Variants in TICRR observed in about 807,000 individuals in gnomAD.
The protein encoded by TICRR is TOPBP1 interacting checkpoint and replication regulator.
Under a neutral mutation model 178.1 loss-of-function variants are expected in TICRR, and 132 were observed. That is an observed-to-expected ratio of 0.74 (90% CI 0.64 to 0.86). The LOEUF is 0.86. TICRR is among the 40% of genes least tolerant of loss of function. The pLI, the probability that TICRR is intolerant of heterozygous loss-of-function variation, is 0.00. For synonymous variants in TICRR, 991 were observed against 900.7 expected (o/e 1.10, Z -1.79); for missense variants, 2,587 against 2,334.3 (o/e 1.11, Z -2.23).
rs535345388 is a variant in TICRR at position 89,626,386 on chromosome 15, G to A, written c.5602+325G>A. 3.3e-5 allele frequency among the ~76,000 whole-genome samples: 5 copies of A among 152,336 alleles called. No homozygotes were observed. The East Asian group carries it at 7.7e-4, about 24-fold the overall frequency. On this transcript the variant is annotated intron_variant, in intron 21 of 21. Coordinates refer to ENST00000268138, the MANE Select transcript of TICRR (RefSeq NM_152259.4). ...GCGTTCTGAGCAGCACGAGTGATAG[G>A]CCTGTTTAGAGCTAGTTCCCCACAG...
At chr15:89,618,894 G>T (rs1249138929) in intron 17 of TICRR, among the ~76,000 whole-genome samples, 1 of 152,246 alleles carries the variant, frequency 6.6e-6, no homozygotes, top group African/African-American at 2.4e-5. Context: ...TGGAGTTCAA[G>T]GCTGCAGTGA....
chr15:89,610,980 T>C (rs567520983), intron 15 of TICRR, among the ~76,000 whole-genome samples: 1 of 152,160 alleles, frequency 6.6e-6, no homozygotes, highest in South Asian at 2.1e-4. Flanking sequence ...TGTCTCTTCT[T>C]CTTTATATTG....
At chr15:89,598,194 C>T (rs924023489) in intron 7 of TICRR, among the ~76,000 whole-genome samples, 1 of 151,990 alleles carries the variant, frequency 6.6e-6, no homozygotes, top group Non-Finnish European at 1.5e-5. Flanking sequence ...AGGATGGTCT[C>T]GATCTCCTGA....
intron 1 of TICRR, among the ~76,000 whole-genome samples, chr15:89,576,821 G>GTATATATATATATA (rs369518649): frequency 1.1e-5 from 1 of 92,438 alleles, no homozygotes; most frequent in East Asian, 2.5e-4. Context: ...ATGTGTGTGT[G>GTATATATATATATA]TATATATATA....
chr15:89,596,582 G>A (rs928977330), intron 7 of TICRR, among the ~76,000 whole-genome samples: 1 of 152,140 alleles, frequency 6.6e-6, no homozygotes, highest in Non-Finnish European at 1.5e-5. Context: ...CCTAACCTCA[G>A]GTGATCAGCC....
chr15:89,583,307 A>G (rs934252396), intron 2 of TICRR, among the ~76,000 whole-genome samples: 1 of 152,260 alleles, frequency 6.6e-6, no homozygotes, highest in Non-Finnish European at 1.5e-5. Flanking sequence ...ATTGAAGACC[A>G]TAGAGAAACA....
chr15:89,605,494 G>A (rs184889237), intron 13 of TICRR, among the ~76,000 whole-genome samples: 84 of 152,164 alleles, frequency 5.5e-4, no homozygotes, highest in Admixed American at 2.9e-3. Flanking sequence ...TCAGCCTCCC[G>A]AGTAGCTGGC....
intron 14 of TICRR, among the ~76,000 whole-genome samples, chr15:89,607,635 T>A (rs1052108155): frequency 2.6e-5 from 4 of 152,088 alleles, no homozygotes; most frequent in African/African-American, 4.8e-5. Context: ...TTTTAAAACT[T>A]TGGTGTGTGT....
At position 89,625,138 on chromosome 15, in the gene TICRR, G is replaced by C; in HGVS notation, c.4828G>C (p.Ala1610Pro). Residue 1610 changes from alanine (A) to proline (P), a missense_variant, in exon 20 of 22, where the codon GCC (alanine) becomes CCC (proline). By Grantham distance (27) the Ala-to-Pro change is conservative. Transcript: ENST00000268138. ...CCTCCCTGCTCTCAGCATGCCCAGG[G>C]CCAGCAGGTCCTTAAGCAAACCTGA... ...SFLPALSMPR[A>P]SRSLSKPEPT... 1 of 1,613,876 alleles carries C rather than the reference G, an allele frequency of 6.2e-7. No individual in the cohort carries two copies. The highest frequency in any genetic ancestry group is 8.5e-7 in the Non-Finnish European group (1 of 1,179,998).
rs141435604 is a variant in TICRR at position 89,594,440 on chromosome 15, A to G, written c.1567A>G (p.Lys523Glu). The change falls in exon 6 of 22, where the codon AAG becomes GAG. Residue 523 changes from lysine to glutamate, a missense_variant. Transcript: ENST00000268138. Reference sequence around the variant, plus strand: ...GTTACTACAGGCTGCCTCAGCTAATAAGGAAGAGTCTTCCAAAACTGAAGG... The same window carrying G: ...GTTACTACAGGCTGCCTCAGCTAATGAGGAAGAGTCTTCCAAAACTGAAGG... ...FGLLQAASAN[K>E]EESSKTEGEL... 880 of 1,612,842 alleles carry G rather than the reference A, an allele frequency of 5.5e-4. 21 individuals are homozygous for G. In the East Asian group the frequency reaches 0.019, roughly 36 times the overall value.
At chr15:89,583,068 A>G (rs1962758835) in intron 2 of TICRR, 103 bp downstream of exon 2, 2 of 1,235,340 alleles carry the variant, frequency 1.6e-6, no homozygotes, top group East Asian at 5.0e-5. Flanking sequence ...CAGCCCAGGC[A>G]CTCAACGAAT....
Position 89,625,310 on chromosome 15 carries a change from G to A in TICRR, c.5000G>A (p.Trp1667Ter), listed in dbSNP as rs764932324. Residue 1667 changes from tryptophan to a stop codon, truncating the protein, a stop_gained, in exon 20 of 22, where the codon TGG (tryptophan) becomes TAG (stop). Transcript: ENST00000268138. LOFTEE classifies it high-confidence loss of function. ...PSPFQTDGVP[W>*]TPSPKHSGKT... ...CCATTTCAAACAGATGGGGTTCCTT[G>A]GACACCATCCCCCAAGCACAGTGGG... The A allele has an allele frequency of 2.5e-6, 4 of 1,614,008 alleles. No individual in the cohort carries two copies. In the Admixed American group the frequency reaches 6.7e-5, roughly 27 times the overall value.
In TICRR at chr15:89,624,212, C is replaced by T; in HGVS notation, c.3902C>T (p.Thr1301Ile). ...AAAAGACCAGGGAATTCAACTGTGA[C>T]TTCTTCCCCACCTGTTACGCCAAAG... Reference protein sequence around the residue: ...TPKRPGNSTVTSSPPVTPKKL... With the variant: ...TPKRPGNSTVISSPPVTPKKL... Residue 1301 changes from threonine (T) to isoleucine (I), a missense_variant, in exon 20 of 22, where the codon ACT (threonine) becomes ATT (isoleucine). Coordinates refer to ENST00000268138, the MANE Select transcript of TICRR (RefSeq NM_152259.4). The T allele has an allele frequency of 6.2e-7, 1 of 1,614,224 alleles. No individual in the cohort carries two copies. Among genetic ancestry groups the T allele is most frequent in the Non-Finnish European group, 8.5e-7 (1 of 1,180,054 alleles).
chr15:89,590,305 A>C (rs1962889057), intron 4 of TICRR, among the ~76,000 whole-genome samples: 2 of 152,238 alleles, frequency 1.3e-5, no homozygotes, highest in Non-Finnish European at 2.9e-5. Flanking sequence ...ATAAAATATT[A>C]GCACATTAGG....
At position 89,625,087 on chromosome 15, in the gene TICRR, G is replaced by A; in HGVS notation, c.4777G>A (p.Glu1593Lys). The A allele has an allele frequency of 6.2e-7, 1 of 1,613,916 alleles. No individual in the cohort carries two copies. Among genetic ancestry groups the A allele is most frequent in the East Asian group, 2.2e-5 (1 of 44,852 alleles). ...SLEAEPLSKE[E>K]SSLGEESFLP... The stretch of plus-strand genomic sequence containing the variant: ...AGAGGCTGAGCCCCTCAGCAAGGAG[G>A]AGAGCTCTCTGGGAGAAGAGAGCTT... Residue 1593 changes from glutamate (E) to lysine (K), a missense_variant, in exon 20 of 22, where the codon GAG becomes AAG. Coordinates refer to ENST00000268138, the MANE Select transcript of TICRR (RefSeq NM_152259.4).
intron 4 of TICRR, among the ~76,000 whole-genome samples, chr15:89,589,699 C>G (rs1410246840): frequency 1.3e-5 from 2 of 152,172 alleles, no homozygotes; most frequent in Non-Finnish European, 2.9e-5. Context: ...GGCATTTATG[C>G]TGTCCTGTGA....
rs1166499193 is a variant in TICRR, at chr15:89,625,756, TCCA to T, written c.5448_5450del (p.Thr1817del). 1.9e-6 allele frequency: 3 copies of T among 1,607,830 alleles called. No individual in the cohort carries two copies. In the Admixed American group the frequency reaches 5.0e-5, roughly 27 times the overall value. On this transcript the variant is annotated inframe_deletion, in exon 20 of 22. Transcript: ENST00000268138. ...AAGTTGGAGTGCATGGCAGCTACCC[TCCA>T]CGGGAGACGAAGAGGTGTTTGTTTC...
Position 89,599,429 on chromosome 15 carries a change from C to T in TICRR, c.2006C>T (p.Ser669Leu). 1.2e-6 allele frequency: 2 copies of T among 1,613,568 alleles called. No individual in the cohort carries two copies. Among genetic ancestry groups the T allele is most frequent in the Non-Finnish European group, 1.7e-6 (2 of 1,179,842 alleles). Residue 669 changes from serine (S) to leucine (L), a missense_variant, in exon 8 of 22, where the codon TCA becomes TTA. By Grantham distance (145) the Ser-to-Leu change is moderately radical. Coordinates refer to ENST00000268138, the MANE Select transcript of TICRR (RefSeq NM_152259.4). ...MLYACARNMI[S>L]TVKMFLKSKG... ...TATGCATGTGCTCGAAACATGATCT[C>T]AACCGTTAAAATGTTCCTAAAATCA...
intron 18 of TICRR, among the ~76,000 whole-genome samples, chr15:89,621,095 C>T (rs1331571943): frequency 2.0e-5 from 3 of 152,004 alleles, no homozygotes; most frequent in African/African-American, 7.3e-5. Context: ...TGTCGTCTCA[C>T]TGCAACCTCC....
Sources: gnomAD v4.1 joint callset for allele counts (sites outside exome capture counted in the v4.1 genomes callset) on GRCh38, gnomAD v4.1.1 for gene constraint, MANE v1.5 for transcripts, NCBI Gene and HGNC (gene_info 2026-07-23, HGNC 2026-07-21) for gene names.